TMEM74: variants seen among roughly 807,000 people sequenced by gnomAD.
TMEM74 encodes transmembrane protein 74.
In TMEM74, 13 loss-of-function variants were observed where a neutral mutation model predicts 18.1. That is an observed-to-expected ratio of 0.72 (90% CI 0.47 to 1.14). TMEM74 has a LOEUF of 1.14. Ranked by LOEUF, TMEM74 falls within the 50% of genes most tolerant of loss-of-function variation. TMEM74 has a pLI of 0.00. For missense variants in TMEM74, 372 were observed against 375.9 expected (o/e 0.99, Z 0.09); for synonymous variants, 159 against 146.6 (o/e 1.08, Z -0.61).
intron 1 of TMEM74, among the ~76,000 whole-genome samples, chr8:108,730,549 A>G (rs1488358176): frequency 6.6e-6 from 1 of 151,394 alleles, no homozygotes; most frequent in African/African-American, 2.4e-5. Context: ...TAATTAAATT[A>G]CTCATTTATA....
At chr8:108,690,148 T>C (rs142323439) in intron 1 of TMEM74, among the ~76,000 whole-genome samples, 559 of 152,178 alleles carry the variant, frequency 3.7e-3, no homozygotes, top group Non-Finnish European at 5.1e-3. Context: ...TGAGTCAAAA[T>C]AGATGATTTT....
At chr8:108,621,180 C>T (rs1447058345) in intron 2 of TMEM74, among the ~76,000 whole-genome samples, 1 of 152,060 alleles carries the variant, frequency 6.6e-6, no homozygotes, top group African/African-American at 2.4e-5. Flanking sequence ...CAGGGAGGAA[C>T]TTGGGAAGTG....
chr8:108,615,661 G>A (rs1812375185), intron 2 of TMEM74, among the ~76,000 whole-genome samples: 1 of 152,056 alleles, frequency 6.6e-6, no homozygotes, highest in Admixed American at 6.6e-5. Flanking sequence ...TGTAGAGAGA[G>A]AAGTTGAAAC....
intron 1 of TMEM74, among the ~76,000 whole-genome samples, chr8:108,764,986 C>T (rs1377775323): frequency 1.3e-5 from 2 of 152,106 alleles, no homozygotes; most frequent in Non-Finnish European, 2.9e-5. Context: ...ATTTTTAGGG[C>T]TCTGATGTGT....
At chr8:108,662,018 C>T (rs1420206111) in intron 1 of TMEM74, among the ~76,000 whole-genome samples, 1 of 152,066 alleles carries the variant, frequency 6.6e-6, no homozygotes. Context: ...TCAGAGATAA[C>T]AGTCCTTCTT....
chr8:108,671,849 A>T (rs951674041), intron 1 of TMEM74, among the ~76,000 whole-genome samples: 3 of 152,222 alleles, frequency 2.0e-5, no homozygotes, highest in Admixed American at 1.3e-4. Flanking sequence ...ATTGCCTTCC[A>T]TAAAAGGTAA....
intron 1 of TMEM74, among the ~76,000 whole-genome samples, chr8:108,756,700 G>A (rs1407140975): frequency 3.8e-5 from 4 of 103,934 alleles, no homozygotes; most frequent in Admixed American, 1.0e-4. Flanking sequence ...AAGAAAGAAG[G>A]AAGGAAAGAA....
chr8:108,743,615 C>G (rs143763034), intron 1 of TMEM74, among the ~76,000 whole-genome samples: 123 of 152,116 alleles, frequency 8.1e-4, no homozygotes, highest in African/African-American at 2.9e-3. Context: ...TGTAAAGTTA[C>G]CTGGCAGACT....
intron 1 of TMEM74, among the ~76,000 whole-genome samples, chr8:108,718,254 G>T (rs187414499): frequency 1.4e-5 from 1 of 71,124 alleles, no homozygotes; most frequent in Non-Finnish European, 2.2e-5. Flanking sequence ...CACCGCGCCC[G>T]GCCCTGACTT....
intron 2 of TMEM74, among the ~76,000 whole-genome samples, chr8:108,632,233 G>A (rs940734090): frequency 6.6e-6 from 1 of 151,868 alleles, no homozygotes; most frequent in Non-Finnish European, 1.5e-5. Flanking sequence ...TAGGGGAAAG[G>A]AAAAAGGATG....
chr8:108,784,725 C>T lies in TMEM74; in HGVS notation c.374G>A (p.Arg125Gln), dbSNP rs372486464. 1.4e-5 allele frequency: 23 copies of T among 1,614,028 alleles called. No homozygotes were observed. The African/African-American group carries it at 1.5e-4, about 10-fold the overall frequency. ...ATGCCCTTTTGCTGATGGCGAGCTC[C>T]GGTTCCGCTGCTCCAAGTTGATGTT... ...DKNINLEQRN[R>Q]SSPSAKGHNH... Residue 125 changes from arginine to glutamine, a missense_variant, in exon 2 of 2, where the codon CGG (arginine) becomes CAG (glutamine). Coordinates refer to ENST00000297459, the MANE Select transcript of TMEM74 (RefSeq NM_153015.3).
At chr8:108,689,252 G>A (rs987855182) in intron 1 of TMEM74, among the ~76,000 whole-genome samples, 12 of 152,146 alleles carry the variant, frequency 7.9e-5, no homozygotes, top group African/African-American at 2.7e-4. Flanking sequence ...AAGAAATGCG[G>A]ACAAATACCA....
chr8:108,731,985 G>T (rs1813699905), intron 1 of TMEM74, among the ~76,000 whole-genome samples: 1 of 151,460 alleles, frequency 6.6e-6, no homozygotes, highest in African/African-American at 2.4e-5. Context: ...AGCGTTTTCT[G>T]ATCCCTAGAC....
chr8:108,691,534 G>A (rs991308377), intron 1 of TMEM74, among the ~76,000 whole-genome samples: 1 of 152,196 alleles, frequency 6.6e-6, no homozygotes, highest in African/African-American at 2.4e-5. Flanking sequence ...AACTGGAAAT[G>A]TTCATTGGCA....
chr8:108,664,948 C>T (rs773666646), intron 1 of TMEM74, among the ~76,000 whole-genome samples: 26 of 152,050 alleles, frequency 1.7e-4, no homozygotes, highest in Non-Finnish European at 2.6e-4. Context: ...AGTCTGCATA[C>T]TTAAGCTGTC....
At chr8:108,739,555 A>C (rs914857759) in intron 1 of TMEM74, among the ~76,000 whole-genome samples, 1 of 152,180 alleles carries the variant, frequency 6.6e-6, no homozygotes, top group Admixed American at 6.5e-5. Context: ...CAGTGTAATA[A>C]ATCACTCCAA....
chr8:108,757,898 T>C (rs2130658841), intron 1 of TMEM74, among the ~76,000 whole-genome samples: 1 of 152,180 alleles, frequency 6.6e-6, no homozygotes, highest in South Asian at 2.1e-4. Flanking sequence ...TGTCCTGAAG[T>C]CTGCATCTTT....
Position 108,784,100 on chromosome 8 carries a change from T to A in TMEM74, c.*81A>T. Reference sequence around the variant, plus strand: ...AAACTTTTCTTGCCAGGCAAATAAATTGCACTGTGAATTTTTATAAATTAA... The same window carrying A: ...AAACTTTTCTTGCCAGGCAAATAAAATGCACTGTGAATTTTTATAAATTAA... On this transcript the variant is annotated 3_prime_UTR_variant, in exon 2 of 2. Transcript: ENST00000297459. 7.9e-7 allele frequency: 1 copy of A among 1,260,774 alleles called. No individual in the cohort carries two copies. The highest frequency in any genetic ancestry group is 1.1e-6 in the Non-Finnish European group (1 of 919,988). The allele number at this position is 1,260,774 out of a possible 1,614,324, so 78.1% of individuals were successfully genotyped here.
At chr8:108,623,701 T>C (rs971764849) in intron 2 of TMEM74, among the ~76,000 whole-genome samples, 4 of 152,110 alleles carry the variant, frequency 2.6e-5, no homozygotes, top group Non-Finnish European at 5.9e-5. Context: ...GTTGATGGAC[T>C]TTCCTGTTAA....
Sources: allele counts gnomAD v4.1 joint callset (sites outside exome capture counted in the v4.1 genomes callset), GRCh38; gene constraint gnomAD v4.1.1; transcripts MANE v1.5; gene names NCBI Gene and HGNC (gene_info 2026-07-23, HGNC 2026-07-21).